AFTPH: variants seen among roughly 807,000 people sequenced by gnomAD.
The protein encoded by AFTPH is aftiphilin.
In AFTPH, 7 loss-of-function variants were observed where a neutral mutation model predicts 72.5. The ratio of observed to expected loss-of-function variants is 0.10; its 90% confidence interval spans 0.05 to 0.18. The LOEUF (loss-of-function observed/expected upper bound fraction) is 0.18. AFTPH is among the 10% of genes least tolerant of loss of function. The pLI is 1.00. For synonymous variants in AFTPH, 337 were observed against 370.1 expected (o/e 0.91, Z 1.03); for missense variants, 979 against 1,060.5 (o/e 0.92, Z 1.07).
At chr2:64,569,568 T>A in intron 4 of AFTPH, 55 bp from the exon 5 acceptor site, 1 of 1,557,814 alleles carries the variant, frequency 6.4e-7, no homozygotes, top group Non-Finnish European at 8.8e-7. Flanking sequence ...AACTATTTCA[T>A]TGTATGATAG....
At chr2:64,589,225 G>T (rs1673680961) in intron 8 of AFTPH, among the ~76,000 whole-genome samples, 1 of 152,064 alleles carries the variant, frequency 6.6e-6, no homozygotes, top group Non-Finnish European at 1.5e-5. Context: ...TTCTGTATAT[G>T]GTATGAGGTA....
At chr2:64,559,228 G>T (rs933766668) in intron 2 of AFTPH, among the ~76,000 whole-genome samples, 45 of 145,492 alleles carry the variant, frequency 3.1e-4, no homozygotes, top group African/African-American at 1.2e-3. Context: ...ATAAAATAGA[G>T]GTGTATTAGA....
intron 5 of AFTPH, among the ~76,000 whole-genome samples, chr2:64,570,455 A>G (rs1384590592): frequency 6.6e-6 from 1 of 152,238 alleles, no homozygotes; most frequent in African/African-American, 2.4e-5. Flanking sequence ...AACTTTCTCC[A>G]TGAATAAGCA....
chr2:64,535,034 A>C (rs1669814094), intron 1 of AFTPH, among the ~76,000 whole-genome samples: 1 of 152,186 alleles, frequency 6.6e-6, no homozygotes, highest in Non-Finnish European at 1.5e-5. Context: ...TGAAATCTTA[A>C]GAATGTTAAG....
At chr2:64,529,423 A>G (rs549014218) in intron 1 of AFTPH, among the ~76,000 whole-genome samples, 1 of 147,778 alleles carries the variant, frequency 6.8e-6, no homozygotes, top group Non-Finnish European at 1.5e-5. Flanking sequence ...ATCTTGCATT[A>G]TTTTTGCTGT....
chr2:64,578,795 T>A (rs1672986457), intron 6 of AFTPH: 1 of 152,370 alleles, frequency 6.6e-6, no homozygotes, highest in Admixed American at 6.5e-5. Context: ...CCTGACCTCG[T>A]GATCTGCCCA....
At chr2:64,528,947 T>A (rs1197313277) in intron 1 of AFTPH, among the ~76,000 whole-genome samples, 1 of 152,034 alleles carries the variant, frequency 6.6e-6, no homozygotes, top group Non-Finnish European at 1.5e-5. Context: ...AGGAGTGGAA[T>A]GTAAGAATAG....
chr2:64,564,156 ATTT>A (rs1270397501), intron 2 of AFTPH, among the ~76,000 whole-genome samples: 1 of 152,182 alleles, frequency 6.6e-6, no homozygotes, highest in Non-Finnish European at 1.5e-5. Flanking sequence ...TGCTTAGATT[ATTT>A]AATTTCTTGT....
chr2:64,575,598 C>T (rs1001215477), intron 6 of AFTPH, among the ~76,000 whole-genome samples: 5 of 151,594 alleles, frequency 3.3e-5, no homozygotes, highest in Non-Finnish European at 7.4e-5. Flanking sequence ...GCCTAGGCAA[C>T]AGAGTAAAAC....
chr2:64,567,537 AC>A, intron 2 of AFTPH, 24 bp from the exon 3 acceptor site: 4 of 1,581,406 alleles, frequency 2.5e-6, no homozygotes, highest in Non-Finnish European at 3.4e-6. Context: ...ATGAAAATAA[AC>A]TTTTGGGGGG....
At chr2:64,546,848 C>T (rs1418574684) in intron 1 of AFTPH, among the ~76,000 whole-genome samples, 1 of 145,818 alleles carries the variant, frequency 6.9e-6, no homozygotes, top group Non-Finnish European at 1.5e-5. Context: ...TCCTGGCTAA[C>T]ACAGTGAAAC....
chr2:64,557,607 G>A (rs1233737494), intron 2 of AFTPH, among the ~76,000 whole-genome samples: 4 of 152,158 alleles, frequency 2.6e-5, no homozygotes, highest in African/African-American at 9.7e-5. Context: ...AGCCTCCCAA[G>A]TAGCTGTGAT....
At chr2:64,585,150 A>C (rs1211345697) in intron 7 of AFTPH, among the ~76,000 whole-genome samples, 1 of 152,250 alleles carries the variant, frequency 6.6e-6, no homozygotes, top group East Asian at 1.9e-4. Context: ...AAATTTTAGA[A>C]GTATTTGGGT....
intron 1 of AFTPH, among the ~76,000 whole-genome samples, chr2:64,549,986 C>T (rs1670933696): frequency 6.6e-6 from 1 of 152,024 alleles, no homozygotes; most frequent in Non-Finnish European, 1.5e-5. Flanking sequence ...ATTTGACTTC[C>T]TAAAATTAAC....
chr2:64,537,450 T>A (rs1411633684), intron 1 of AFTPH, among the ~76,000 whole-genome samples: 1 of 152,194 alleles, frequency 6.6e-6, no homozygotes, highest in Non-Finnish European at 1.5e-5. Flanking sequence ...TTAAAAATTT[T>A]AAAAAGAATT....
rs1669112109 is a variant in AFTPH at position 64,524,338 on chromosome 2, G to T, written c.-307G>T. 2.5e-6 allele frequency: 1 copy of T among 400,372 alleles called. No individual in the cohort carries two copies. 24.8% of individuals were successfully genotyped at this position (400,372 alleles called of 1,614,324 possible). ...GGCAGCGGTTCCCCCGCTGCATGAT[G>T]GGAGAGTGTGTGGAGTGGGCGGGGG... On this transcript the variant is annotated 5_prime_UTR_variant, in exon 1 of 9. An upstream start codon of the reference 5' UTR is lost. Coordinates refer to ENST00000238856, the Ensembl canonical transcript of AFTPH.
At chr2:64,583,365 A>G (rs941635998) in intron 7 of AFTPH, among the ~76,000 whole-genome samples, 3 of 149,216 alleles carry the variant, frequency 2.0e-5, no homozygotes, top group African/African-American at 7.4e-5. Flanking sequence ...TCCAATTATT[A>G]AATAGTTGTC....
chr2:64,556,149 G>C (rs1185445701), intron 2 of AFTPH, among the ~76,000 whole-genome samples: 1 of 151,948 alleles, frequency 6.6e-6, no homozygotes, highest in Non-Finnish European at 1.5e-5. Flanking sequence ...CACCACGCCC[G>C]GCTAATTTTT....
chr2:64,575,747 A>ATAT (rs1553404083), intron 6 of AFTPH, among the ~76,000 whole-genome samples: 1 of 109,742 alleles, frequency 9.1e-6, no homozygotes, highest in South Asian at 3.1e-4. Flanking sequence ...GTGTGTATAT[A>ATAT]TTTTTTTTGG....
Sources: allele counts gnomAD v4.1 joint callset (sites outside exome capture counted in the v4.1 genomes callset), GRCh38; gene constraint gnomAD v4.1.1; transcripts MANE v1.5; gene names NCBI Gene and HGNC (gene_info 2026-07-23, HGNC 2026-07-21).